Variants in GRID2 observed in about 807,000 individuals in gnomAD.
GRID2 encodes glutamate receptor ionotropic, delta-2.
GRID2 carries 33 observed loss-of-function variants against 114.8 expected under a neutral mutation model. The ratio of observed to expected loss-of-function variants is 0.29; its 90% CI spans 0.22 to 0.38. The LOEUF (loss-of-function observed/expected upper bound fraction) is 0.38. Ranked by LOEUF, GRID2 falls within the 10% of genes least tolerant of loss-of-function variation. The probability of loss-of-function intolerance (pLI) is 1.00; values close to 1 mark genes in which losing one functional copy is unlikely to be tolerated. For synonymous variants in GRID2, 505 were observed against 449.9 expected, an observed-to-expected ratio of 1.12 and a Z score of -1.55; for missense variants, 1,184 against 1,257.7, an observed-to-expected ratio of 0.94 and a Z score of 0.89.
intron 2 of GRID2, among the ~76,000 whole-genome samples, chr4:92,910,828 T>C (rs2149490750): frequency 6.6e-6 from 1 of 152,242 alleles, no homozygotes; most frequent in East Asian, 1.9e-4. Context: ...TGGTGTCATG[T>C]GAATAGTTGT....
chr4:93,154,390 A>T (rs1198658394), intron 4 of GRID2, among the ~76,000 whole-genome samples: 2 of 151,856 alleles, frequency 1.3e-5, no homozygotes, highest in East Asian at 3.9e-4. Context: ...TGGTGTAAAC[A>T]TCCTTTTCCT....
chr4:93,464,625 C>G (rs1440748540), intron 11 of GRID2, among the ~76,000 whole-genome samples: 1 of 152,148 alleles, frequency 6.6e-6, no homozygotes, highest in Non-Finnish European at 1.5e-5. Context: ...AGTATAAATA[C>G]ACATTATGTA....
intron 2 of GRID2, among the ~76,000 whole-genome samples, chr4:92,812,218 G>T (rs1301922363): frequency 6.6e-6 from 1 of 152,036 alleles, no homozygotes; most frequent in Non-Finnish European, 1.5e-5. Flanking sequence ...GTAAGTGGAT[G>T]TTTATTATCT....
intron 2 of GRID2, among the ~76,000 whole-genome samples, chr4:92,850,776 C>A (rs1045518194): frequency 8.6e-5 from 13 of 151,896 alleles, no homozygotes; most frequent in African/African-American, 3.1e-4. Context: ...AATCGAGACC[C>A]ACAATGACCC....
At chr4:92,754,522 G>A (rs1033849037) in intron 2 of GRID2, among the ~76,000 whole-genome samples, 2 of 152,100 alleles carry the variant, frequency 1.3e-5, no homozygotes, top group Admixed American at 1.3e-4. Context: ...TTGTGAAATG[G>A]CAGTGATGAT....
At chr4:93,652,456 T>C (rs993853826) in intron 14 of GRID2, among the ~76,000 whole-genome samples, 1 of 152,164 alleles carries the variant, frequency 6.6e-6, no homozygotes, top group East Asian at 1.9e-4. Context: ...TTTCTATGTT[T>C]AGACACACAA....
intron 2 of GRID2, among the ~76,000 whole-genome samples, chr4:92,785,467 GA>G (rs879257609): frequency 9.9e-5 from 15 of 150,758 alleles, no homozygotes; most frequent in Middle Eastern, 3.5e-3. Flanking sequence ...GAAATGAGGA[GA>G]AAAAAAATAT....
In GRID2 at chr4:92,749,310, C is replaced by CTATTTTT. The variant is rs1295067924; in HGVS notation, c.244+159025_244+159026insATTTTTT. On this transcript the variant is annotated intron_variant, in intron 2 of 15. Transcript: ENST00000282020. ...CGCCGCGCCCGGCCTTGATTTGTAG[C>CTATTTTT]TTTTTTTTTTTTTTTTTTTTTTGAG... 7.6e-4 allele frequency among the ~76,000 whole-genome samples: 55 copies of CTATTTTT among 72,030 alleles called. 1 individual carries two copies. Among genetic ancestry groups the CTATTTTT allele is most frequent in the Non-Finnish European group, 1.1e-3 (47 of 41,580 alleles). The allele number at this position is 72,030 out of a possible 152,430, so 47.3% of individuals were successfully genotyped here.
intron 3 of GRID2, among the ~76,000 whole-genome samples, chr4:93,088,534 G>C (rs1000607781): frequency 3.9e-5 from 6 of 151,996 alleles, no homozygotes; most frequent in African/African-American, 1.4e-4. Flanking sequence ...ATTTAATTTT[G>C]GCACCAGTGA....
chr4:92,348,840 T>C (rs936923279), intron 1 of GRID2, among the ~76,000 whole-genome samples: 2 of 152,136 alleles, frequency 1.3e-5, no homozygotes, highest in Admixed American at 6.6e-5. Flanking sequence ...TGTGGAATTA[T>C]AGTAGAAAGA....
At chr4:93,351,341 T>C (rs1327288024) in intron 8 of GRID2, among the ~76,000 whole-genome samples, 1 of 152,050 alleles carries the variant, frequency 6.6e-6, no homozygotes, top group Non-Finnish European at 1.5e-5. Context: ...CAGACAGTTG[T>C]TAGAAAATCC....
intron 1 of GRID2, among the ~76,000 whole-genome samples, chr4:93,800,141 G>A (rs543366086): frequency 7.9e-5 from 12 of 152,182 alleles, no homozygotes; most frequent in African/African-American, 2.9e-4. Flanking sequence ...TCACAGGAAA[G>A]AGGTAGGAAA....
At chr4:93,563,959 A>T (rs953138204) in intron 13 of GRID2, among the ~76,000 whole-genome samples, 2 of 152,036 alleles carry the variant, frequency 1.3e-5, no homozygotes, top group Non-Finnish European at 2.9e-5. Flanking sequence ...AATGAAAAAA[A>T]TAAATGAGAA....
At chr4:93,569,097 A>T (rs1735701231) in intron 13 of GRID2, among the ~76,000 whole-genome samples, 2 of 152,184 alleles carry the variant, frequency 1.3e-5, no homozygotes. Flanking sequence ...CTGGTATGAG[A>T]GTATGAAACC....
At chr4:93,498,674 GGTA>G (rs1727801561) in intron 12 of GRID2, among the ~76,000 whole-genome samples, 1 of 151,666 alleles carries the variant, frequency 6.6e-6, no homozygotes, top group South Asian at 2.1e-4. Context: ...AGGAGTTTTT[GGTA>G]GATTCTTTGG....
At chr4:93,388,624 T>C (rs1035214257) in intron 8 of GRID2, among the ~76,000 whole-genome samples, 2 of 152,162 alleles carry the variant, frequency 1.3e-5, no homozygotes, top group Admixed American at 6.5e-5. Flanking sequence ...GTAGGCCACA[T>C]CCAAAGTTTG....
chr4:93,345,597 T>C, intron 8 of GRID2, among the ~76,000 whole-genome samples: 1 of 152,152 alleles, frequency 6.6e-6, no homozygotes, highest in Non-Finnish European at 1.5e-5. Context: ...AGGTTGTCTC[T>C]TCACTGTGTT....
At chr4:93,761,287 G>A (rs922344235) in intron 14 of GRID2, among the ~76,000 whole-genome samples, 1 of 152,166 alleles carries the variant, frequency 6.6e-6, no homozygotes, top group Non-Finnish European at 1.5e-5. Flanking sequence ...GATTGGACTT[G>A]CTATATCACT....
At chr4:92,608,459 T>C (rs1560486621) in intron 2 of GRID2, among the ~76,000 whole-genome samples, 1 of 151,890 alleles carries the variant, frequency 6.6e-6, no homozygotes, top group African/African-American at 2.4e-5. Flanking sequence ...AAAATAATTA[T>C]TCTACATCTT....
Sources: allele counts gnomAD v4.1 joint callset (sites outside exome capture counted in the v4.1 genomes callset), GRCh38; gene constraint gnomAD v4.1.1; transcripts MANE v1.5; gene names NCBI Gene and HGNC (gene_info 2026-07-23, HGNC 2026-07-21).